Variants in ECD observed in about 807,000 individuals in gnomAD.
ECD encodes protein ecdysoneless homolog.
A neutral mutation model predicts 77.2 loss-of-function variants in ECD; 59 were observed. The observed-to-expected ratio is 0.76, with a 90% CI of 0.62 to 0.95. The LOEUF (loss-of-function observed/expected upper bound fraction) is 0.95, where lower values mean the gene tolerates loss of function less well. ECD is among the 40% of genes least tolerant of loss of function. The probability of loss-of-function intolerance (pLI) is 0.00; values close to 1 mark genes in which losing one functional copy is unlikely to be tolerated. For synonymous variants in ECD, 233 were observed against 267.4 expected, an observed-to-expected ratio of 0.87 and a Z score of 1.26; for missense variants, 704 against 763.4, an observed-to-expected ratio of 0.92 and a Z score of 0.92.
chr10:73,139,815 G>T, intron 9 of ECD, 78 bp from the exon 10 acceptor site: 3 of 1,010,520 alleles, frequency 3.0e-6, no homozygotes, highest in Non-Finnish European at 4.3e-6. Context: ...GTATTTTAAG[G>T]TTGGAAGGGA....
intron 3 of ECD, among the ~76,000 whole-genome samples, chr10:73,157,564 C>CA (rs1320543885): frequency 1.3e-5 from 2 of 150,224 alleles, no homozygotes; most frequent in Non-Finnish European, 3.0e-5. Context: ...ACTAAAAATA[C>CA]AAAAAAAATC....
At chr10:73,157,653 C>G (rs935343756) in intron 3 of ECD, among the ~76,000 whole-genome samples, 1 of 150,772 alleles carries the variant, frequency 6.6e-6, no homozygotes, top group African/African-American at 2.4e-5. Flanking sequence ...ACCTGGGAGG[C>G]AGAGGTTGCG....
chr10:73,139,547 T>C, intron 10 of ECD, 52 bp from the exon 11 acceptor site: 1 of 1,600,082 alleles, frequency 6.2e-7, no homozygotes, highest in Non-Finnish European at 8.5e-7. Flanking sequence ...ATAAGTCCTC[T>C]TAGGAGAGGA....
intron 5 of ECD, 23 bp downstream of exon 5, chr10:73,156,252 A>C (rs1367234105): frequency 1.3e-6 from 2 of 1,540,504 alleles, no homozygotes; most frequent in African/African-American, 2.8e-5. Flanking sequence ...CTTAATTAGC[A>C]ATGAAAGTGA....
chr10:73,163,629 A>C (rs1843409278), intron 2 of ECD, 104 bp downstream of exon 2: 1 of 1,126,040 alleles, frequency 8.9e-7, no homozygotes, highest in Non-Finnish European at 1.3e-6. Context: ...TTAGTGTATT[A>C]ATCTCTTCCT....
At chr10:73,152,445 A>G in intron 6 of ECD, 24 bp from the exon 7 acceptor site, 9 of 1,602,698 alleles carry the variant, frequency 5.6e-6, no homozygotes, top group African/African-American at 1.3e-5. Flanking sequence ...CACAAAATAC[A>G]TGAGTCTTTT....
intron 13 of ECD, among the ~76,000 whole-genome samples, chr10:73,136,063 C>T (rs1842971086): frequency 2.0e-5 from 3 of 152,276 alleles, no homozygotes; most frequent in African/African-American, 2.4e-5. Flanking sequence ...TTTATAGATA[C>T]ATTCACAGTG....
chr10:73,143,832 CTTTT>C (rs541608935), intron 9 of ECD, among the ~76,000 whole-genome samples: 6 of 106,770 alleles, frequency 5.6e-5, no homozygotes, highest in Non-Finnish European at 9.6e-5. Flanking sequence ...TTATAACTTG[CTTTT>C]TTTTTTTTTT....
chr10:73,151,372 T>A (rs1167719550), intron 7 of ECD, among the ~76,000 whole-genome samples: 3 of 101,626 alleles, frequency 3.0e-5, no homozygotes, highest in Non-Finnish European at 5.6e-5. Context: ...CACCGGGGCC[T>A]GTTGTGGGGT....
chr10:73,135,551 T>G (rs1842966330), intron 13 of ECD, among the ~76,000 whole-genome samples: 1 of 151,948 alleles, frequency 6.6e-6, no homozygotes, highest in Non-Finnish European at 1.5e-5. Flanking sequence ...TGAAACCCTG[T>G]CTCTACTAAA....
At chr10:73,163,652 T>C in intron 2 of ECD, 81 bp downstream of exon 2, 12 of 1,368,136 alleles carry the variant, frequency 8.8e-6, no homozygotes, top group Non-Finnish European at 1.2e-5. Context: ...CAACACTGAA[T>C]GAAGCGTGGA....
Position 73,152,426 on chromosome 10 carries a change from G to A in ECD, c.784-5C>T, listed in dbSNP as rs745388514. On this transcript the variant is annotated splice_polypyrimidine_tract_variant and splice_region_variant and intron_variant, in intron 6 of 13. Transcript: ENST00000372979. ...TAGACATTTAGTGAATGTGACCTGG[G>A]CATCAAGACACAAAATACATGAGTC... is the stretch of plus-strand genomic sequence containing the variant. The A allele has an allele frequency of 1.2e-5, 19 of 1,609,536 alleles. No individual in the cohort carries two copies. The highest frequency in any genetic ancestry group is 2.2e-5 in the South Asian group (2 of 90,874).
intron 8 of ECD, among the ~76,000 whole-genome samples, chr10:73,146,929 G>A (rs1843137996): frequency 6.6e-6 from 1 of 152,012 alleles, no homozygotes; most frequent in Non-Finnish European, 1.5e-5. Context: ...GTCATACTTA[G>A]TATTTTACAT....
At position 73,163,782 on chromosome 10, in the gene ECD, G is replaced by T; in HGVS notation, c.156C>A (p.Pro52=). The change falls in exon 2 of 14, where the codon CCC becomes CCA. Residue 52 remains proline (P), a synonymous_variant. Coordinates refer to ENST00000372979, the MANE Select transcript of ECD (RefSeq NM_007265.3). ...TGAAAGGCTGATTCTGCCAGATGTA[G>T]GGGACCAGCATAGGTGCAAACCGAG... ...IITRFAPMLV[P]YIWQNQPFNL... The T allele has an allele frequency of 6.2e-7, 1 of 1,614,106 alleles. No homozygotes were observed. The highest frequency in any genetic ancestry group is 8.5e-7 in the Non-Finnish European group (1 of 1,180,028).
chr10:73,167,217 G>A (rs1369147985), intron 1 of ECD, among the ~76,000 whole-genome samples: 1 of 152,064 alleles, frequency 6.6e-6, no homozygotes, highest in East Asian at 1.9e-4. Flanking sequence ...TGTATAATCT[G>A]AAGTCGGGTA....
intron 3 of ECD, among the ~76,000 whole-genome samples, chr10:73,158,822 G>C (rs886331153): frequency 6.6e-6 from 1 of 152,110 alleles, no homozygotes; most frequent in African/African-American, 2.4e-5. Flanking sequence ...AGGATGGCTT[G>C]AGCCCAGGAG....
At chr10:73,165,414 T>G (rs1843442609) in intron 1 of ECD, among the ~76,000 whole-genome samples, 1 of 151,352 alleles carries the variant, frequency 6.6e-6, no homozygotes, top group Non-Finnish European at 1.5e-5. Flanking sequence ...TGCAGTGGAG[T>G]GATCGCAGCT....
intron 9 of ECD, among the ~76,000 whole-genome samples, chr10:73,145,935 G>A (rs1843122341): frequency 2.0e-5 from 3 of 151,876 alleles, no homozygotes; most frequent in South Asian, 2.1e-4. Flanking sequence ...GAGCCACCGC[G>A]CCTGGCCATA....
Position 73,136,883 on chromosome 10 carries a change from C to G in ECD, c.1525G>C (p.Asp509His). The part of the protein sequence containing the change: ...RPNESDSDDL[D>H]DEDFECLDSD... ...TCTAAACATTCAAAGTCTTCATCAT[C>G]CAGATCATCAGAATCTGACTCATTA... Residue 509 changes from aspartate to histidine, a missense_variant, in exon 13 of 14, where the codon GAT becomes CAT. By Grantham distance (81) the Asp-to-His change is moderately conservative. Around this residue, in one of 3 missense-constraint regions of ECD, gnomAD observed 142 missense variants for 163.6 expected, o/e 0.87. Transcript: ENST00000372979. 6.2e-7 allele frequency: 1 copy of G among 1,613,888 alleles called. No individual in the cohort carries two copies. The highest frequency in any genetic ancestry group is 8.5e-7 in the Non-Finnish European group (1 of 1,179,966).
Sources: gnomAD v4.1 joint callset for allele counts (sites outside exome capture counted in the v4.1 genomes callset) on GRCh38, gnomAD v4.1.1 for gene constraint, gnomAD v4.1.1 regional missense constraint, MANE v1.5 for transcripts, NCBI Gene and HGNC (gene_info 2026-07-23, HGNC 2026-07-21) for gene names.